The following TMEFF1 variants were observed in gnomAD, a reference collection of about 807,000 sequenced individuals.
The protein encoded by TMEFF1 is tomoregulin-1.
A neutral mutation model predicts 47.5 loss-of-function variants in TMEFF1; 20 were observed. The ratio of observed to expected loss-of-function variants is 0.42; its 90% CI spans 0.30 to 0.61. The LOEUF is 0.61. Ranked by LOEUF, TMEFF1 falls within the 20% of genes least tolerant of loss-of-function variation. TMEFF1 has a pLI of 0.19. For missense variants in TMEFF1, 411 were observed against 471.1 expected (o/e 0.87, Z 1.18); for synonymous variants, 162 against 166.3 (o/e 0.97, Z 0.20).
intron 1 of TMEFF1, among the ~76,000 whole-genome samples, chr9:100,492,438 C>T (rs2118291733): frequency 6.6e-6 from 1 of 152,222 alleles, no homozygotes; most frequent in East Asian, 1.9e-4. Flanking sequence ...ACTCTTGAAG[C>T]ACAAGAACAG....
In TMEFF1 at chr9:100,473,340, GC is replaced by G. The variant is rs1837152665; in HGVS notation, c.-202del. 1 of 246,180 alleles carries G rather than the reference GC, an allele frequency of 4.1e-6. No individual in the cohort carries two copies. Among genetic ancestry groups the G allele is most frequent in the Non-Finnish European group, 7.3e-6 (1 of 136,934 alleles). The allele number at this position is 246,180 out of a possible 1,614,324, so 15.2% of individuals were successfully genotyped here. A position where few individuals can be genotyped will look rare whatever the true frequency, so the allele number is the denominator to read the frequency against. On this transcript the variant is annotated 5_prime_UTR_variant, in exon 1 of 10. Coordinates refer to ENST00000374879, the MANE Select transcript of TMEFF1 (RefSeq NM_003692.5). This position sits in a 1 kb window ranked among gnomAD's most constrained non-coding sequence, Gnocchi z 5.4. The stretch of plus-strand genomic sequence containing the variant: ...TTGCGCGCCCGCGACCCTCGCACGC[GC>G]CCGGACCCGCCGACTCCGTCCCGAG...
intron 7 of TMEFF1, among the ~76,000 whole-genome samples, chr9:100,552,510 G>A (rs1838842834): frequency 6.6e-6 from 1 of 152,104 alleles, no homozygotes; most frequent in South Asian, 2.1e-4. Flanking sequence ...AGTTTGAGGT[G>A]CTTGTGGAAC....
chr9:100,478,978 G>A (rs192281954), intron 1 of TMEFF1, among the ~76,000 whole-genome samples: 153 of 152,236 alleles, frequency 1.0e-3, no homozygotes, highest in African/African-American at 3.5e-3. Context: ...AACTAGAAGT[G>A]GGTCCTCTGG....
At chr9:100,490,309 A>C (rs1448397374) in intron 1 of TMEFF1, among the ~76,000 whole-genome samples, 2 of 152,194 alleles carry the variant, frequency 1.3e-5, no homozygotes, top group Non-Finnish European at 2.9e-5. Context: ...CTAGAAGATA[A>C]CTAATATGAT....
chr9:100,572,715 G>C, intron 9 of TMEFF1, 39 bp downstream of exon 9: 1 of 1,566,712 alleles, frequency 6.4e-7, no homozygotes, highest in Non-Finnish European at 8.6e-7. Flanking sequence ...TTAAATTAGA[G>C]GCAGGCAACT....
chr9:100,497,670 T>A (rs1470194209), intron 1 of TMEFF1, among the ~76,000 whole-genome samples: 1 of 152,096 alleles, frequency 6.6e-6, no homozygotes, highest in Non-Finnish European at 1.5e-5. Flanking sequence ...TCACCGGACA[T>A]AGAATTCCCT....
intron 9 of TMEFF1, among the ~76,000 whole-genome samples, chr9:100,574,016 T>A (rs1391550976): frequency 6.6e-6 from 1 of 151,990 alleles, no homozygotes; most frequent in Non-Finnish European, 1.5e-5. Flanking sequence ...TTGTCTGTGG[T>A]CATCCGACTA....
At chr9:100,499,089 C>T (rs1042116887) in intron 2 of TMEFF1, among the ~76,000 whole-genome samples, 2 of 151,994 alleles carry the variant, frequency 1.3e-5, no homozygotes, top group African/African-American at 4.8e-5. Flanking sequence ...ATAGATGTGA[C>T]AATTCTTTGA....
intron 6 of TMEFF1, among the ~76,000 whole-genome samples, chr9:100,549,043 A>C (rs1838786961): frequency 6.6e-6 from 1 of 152,186 alleles, no homozygotes; most frequent in East Asian, 1.9e-4. Context: ...ACTCTTTGGA[A>C]TTTCAAGTTC....
At chr9:100,561,800 GT>G (rs972579755) in intron 8 of TMEFF1, among the ~76,000 whole-genome samples, 2 of 151,892 alleles carry the variant, frequency 1.3e-5, no homozygotes, top group African/African-American at 4.8e-5. Flanking sequence ...CACTATTTTG[GT>G]TTTTAGGCAA....
intron 5 of TMEFF1, among the ~76,000 whole-genome samples, chr9:100,543,302 T>C (rs991339527): frequency 1.3e-5 from 2 of 152,196 alleles, no homozygotes; most frequent in Non-Finnish European, 2.9e-5. Flanking sequence ...TGACCTGTCT[T>C]CTAATTCACT....
At chr9:100,524,064 A>G (rs1252305411) in intron 5 of TMEFF1, among the ~76,000 whole-genome samples, 1 of 152,050 alleles carries the variant, frequency 6.6e-6, no homozygotes, top group African/African-American at 2.4e-5. Flanking sequence ...CCTTCACTAG[A>G]GACAGTCACT....
At chr9:100,508,197 T>C (rs1300563456) in intron 2 of TMEFF1, among the ~76,000 whole-genome samples, 1 of 152,240 alleles carries the variant, frequency 6.6e-6, no homozygotes, top group African/African-American at 2.4e-5. Flanking sequence ...ATTTTTTAAG[T>C]AATAATAACT....
At chr9:100,478,863 AT>A (rs1587810480) in intron 1 of TMEFF1, among the ~76,000 whole-genome samples, 1 of 152,210 alleles carries the variant, frequency 6.6e-6, no homozygotes, top group East Asian at 1.9e-4. Context: ...CATGTGGGGC[AT>A]TTCTAGCTTA....
intron 7 of TMEFF1, 42 bp from the exon 8 acceptor site, chr9:100,561,355 T>A: frequency 6.3e-7 from 1 of 1,591,584 alleles, no homozygotes; most frequent in East Asian, 2.3e-5. Flanking sequence ...ATTTTTCAGC[T>A]TGCGTTTCAT....
intron 5 of TMEFF1, among the ~76,000 whole-genome samples, chr9:100,530,244 A>G: frequency 6.6e-6 from 1 of 152,200 alleles, no homozygotes; most frequent in Non-Finnish European, 1.5e-5. Context: ...AACTAAAATC[A>G]GAGCAGAACT....
At chr9:100,480,068 G>A (rs898090451) in intron 1 of TMEFF1, among the ~76,000 whole-genome samples, 3 of 152,060 alleles carry the variant, frequency 2.0e-5, no homozygotes, top group Non-Finnish European at 4.4e-5. Flanking sequence ...CATCCTAGTG[G>A]GTGTGAAGTT....
intron 5 of TMEFF1, among the ~76,000 whole-genome samples, chr9:100,522,374 T>G (rs773143675): frequency 9.9e-5 from 15 of 151,460 alleles, no homozygotes; most frequent in Non-Finnish European, 2.2e-4. Context: ...CATTATTTTA[T>G]CCAAAGTATA....
At chr9:100,561,352 A>T in intron 7 of TMEFF1, 45 bp from the exon 8 acceptor site, 2 of 1,587,472 alleles carry the variant, frequency 1.3e-6, no homozygotes, top group Non-Finnish European at 1.7e-6. Context: ...CTTATTTTTC[A>T]GCTTGCGTTT....
Sources: allele counts gnomAD v4.1 joint callset (sites outside exome capture counted in the v4.1 genomes callset), GRCh38; gene constraint gnomAD v4.1.1; non-coding constraint Gnocchi (gnomAD v3.1); transcripts MANE v1.5; gene names NCBI Gene and HGNC (gene_info 2026-07-23, HGNC 2026-07-21).